Variants in B4GALT5 observed in about 807,000 individuals in gnomAD.
B4GALT5 encodes beta-1,4-galactosyltransferase 5, also known as UDP-Gal:beta-GlcNAc beta-1,4-galactosyltransferase 5.
Under a neutral mutation model 45.0 loss-of-function variants are expected in B4GALT5, and 11 were observed. The observed-to-expected ratio is 0.24, with a 90% confidence interval of 0.15 to 0.40. The LOEUF (loss-of-function observed/expected upper bound fraction) is 0.40. Among genes scored for constraint, B4GALT5 ranks in the 10% least tolerant of loss-of-function variants. B4GALT5 has a pLI of 1.00. For missense variants in B4GALT5, 337 were observed against 500.2 expected, an observed-to-expected ratio of 0.67 and a Z score of 3.11; for synonymous variants, 185 against 182.9, an observed-to-expected ratio of 1.01 and a Z score of -0.09.
At chr20:49,648,020 C>T (rs2085606325) in intron 2 of B4GALT5, among the ~76,000 whole-genome samples, 1 of 152,114 alleles carries the variant, frequency 6.6e-6, no homozygotes, top group East Asian at 1.9e-4. Flanking sequence ...TTTACTCAAC[C>T]TTCCTTTAAT....
At chr20:49,707,163 G>C (rs1175736117) in intron 1 of B4GALT5, among the ~76,000 whole-genome samples, 1 of 152,078 alleles carries the variant, frequency 6.6e-6, no homozygotes, top group Non-Finnish European at 1.5e-5. Flanking sequence ...TTCTACTAAA[G>C]AAAATTTCAA....
In B4GALT5 at chr20:49,635,685, T is replaced by C. The variant is rs1469026888; in HGVS notation, c.*627A>G. On this transcript the variant is annotated 3_prime_UTR_variant, in exon 9 of 9. Transcript: ENST00000371711. ...TTAAATTTTAAAAAGGCATTTTACA[T>C]GGCTTATTTACAATTATACTTCTTC... 1 of 152,614 alleles carries C rather than the reference T, an allele frequency of 6.6e-6. No individual in the cohort carries two copies. Among genetic ancestry groups the C allele is most frequent in the African/African-American group, 2.4e-5 (1 of 41,452 alleles). The allele number at this position is 152,614 out of a possible 1,614,324, so 9.5% of individuals were successfully genotyped here. A position where few individuals can be genotyped will look rare whatever the true frequency, so the allele number is the denominator to read the frequency against.
intron 1 of B4GALT5, among the ~76,000 whole-genome samples, chr20:49,689,805 T>C (rs924516936): frequency 2.6e-5 from 4 of 152,164 alleles, no homozygotes; most frequent in South Asian, 2.1e-4. Flanking sequence ...ATATGAAACA[T>C]TACAATCACT....
intron 1 of B4GALT5, among the ~76,000 whole-genome samples, chr20:49,683,385 A>ATTTTTTTTTTTTTTTTTTTTTTTTT (rs66503719): frequency 1.0e-5 from 1 of 96,630 alleles, no homozygotes. Context: ...ACAGGTTTAA[A>ATTTTTTTTTTTTTTTTTTTTTTTTT]TTTTTTTTTT....
chr20:49,694,095 A>G (rs1178657835), intron 1 of B4GALT5, among the ~76,000 whole-genome samples: 1 of 152,218 alleles, frequency 6.6e-6, no homozygotes, highest in Non-Finnish European at 1.5e-5. Context: ...TTCCTTGAAA[A>G]GCAGACAGCT....
chr20:49,657,655 T>TG (rs1345450421), intron 1 of B4GALT5, among the ~76,000 whole-genome samples: 3 of 152,192 alleles, frequency 2.0e-5, no homozygotes, highest in Non-Finnish European at 4.4e-5. Context: ...TGTGGGTGTC[T>TG]GGGGGTGGAT....
chr20:49,704,636 G>A (rs978593189), intron 1 of B4GALT5, among the ~76,000 whole-genome samples: 34 of 150,198 alleles, frequency 2.3e-4, no homozygotes, highest in African/African-American at 7.3e-4. Context: ...GGAGAATGGC[G>A]TGAACCCGGG....
intron 1 of B4GALT5, among the ~76,000 whole-genome samples, chr20:49,712,835 G>A (rs1242132581): frequency 8.8e-6 from 1 of 113,464 alleles, no homozygotes; most frequent in Non-Finnish European, 1.9e-5. Flanking sequence ...GGGTACGCGA[G>A]GTGGGGGGGG....
At position 49,642,389 on chromosome 20, in the gene B4GALT5, C is replaced by A. The variant is rs560032939; in HGVS notation, c.606+79G>T. 5 of 1,086,800 alleles carry A rather than the reference C, an allele frequency of 4.6e-6. No individual in the cohort carries two copies. The Admixed American group carries it at 6.4e-5, about 14-fold the overall frequency. The allele number at this position is 1,086,800 out of a possible 1,614,324, so 67.3% of individuals were successfully genotyped here. A position where few individuals can be genotyped will look rare whatever the true frequency, so the allele number is the denominator to read the frequency against. On this transcript the variant is annotated intron_variant, in intron 5 of 8. Coordinates refer to ENST00000371711, the MANE Select transcript of B4GALT5 (RefSeq NM_004776.4). ...ATTTCAGTTTTATTGGCTCTTCACA[C>A]CAACAGTGGATTAGCTTGCAGCAAC...
At chr20:49,694,067 C>T (rs1682918798) in intron 1 of B4GALT5, among the ~76,000 whole-genome samples, 1 of 152,182 alleles carries the variant, frequency 6.6e-6, no homozygotes, top group African/African-American at 2.4e-5. Context: ...ACTAAGCTAG[C>T]AGAAGTCTAA....
intron 1 of B4GALT5, among the ~76,000 whole-genome samples, chr20:49,691,610 C>T (rs1374112386): frequency 6.6e-6 from 1 of 151,512 alleles, no homozygotes; most frequent in Admixed American, 6.6e-5. Flanking sequence ...CTGACAGTCA[C>T]TTTGCCTCTA....
chr20:49,667,706 T>A (rs1009204815), intron 1 of B4GALT5, among the ~76,000 whole-genome samples: 3 of 152,160 alleles, frequency 2.0e-5, no homozygotes, highest in Non-Finnish European at 4.4e-5. Flanking sequence ...CCACCCCGCA[T>A]GGCCAATATT....
In B4GALT5 at chr20:49,639,797, A is replaced by T. The variant is rs749862561; in HGVS notation, c.798T>A (p.Leu266=). 7 of 1,612,894 alleles carry T rather than the reference A, an allele frequency of 4.3e-6. No individual in the cohort carries two copies. The highest frequency in any genetic ancestry group is 5.9e-6 in the Non-Finnish European group (7 of 1,179,122). ...CTCCGCCAAAGAACTCGGTATAAGG[A>T]AGCCTAGGAGGAGATGTGGGACATC... The part of the protein sequence containing the change: ...ATKLDKYMYL[L]PYTEFFGGVS... The change falls in exon 7 of 9, where the codon CTT becomes CTA. Residue 266 remains leucine, a synonymous_variant. Transcript: ENST00000371711.
At chr20:49,656,835 G>A (rs2085645462) in intron 1 of B4GALT5, 133 bp from the exon 2 acceptor site, 1 of 1,136,096 alleles carries the variant, frequency 8.8e-7, no homozygotes, top group South Asian at 1.6e-5. Flanking sequence ...AACCCTACAT[G>A]ACCATAACTC....
At chr20:49,684,393 T>C (rs2085776882) in intron 1 of B4GALT5, among the ~76,000 whole-genome samples, 1 of 152,116 alleles carries the variant, frequency 6.6e-6, no homozygotes, top group Admixed American at 6.5e-5. Flanking sequence ...AAACCCGGTC[T>C]CTACTAAAGA....
At chr20:49,684,237 C>T (rs1645322592) in intron 1 of B4GALT5, among the ~76,000 whole-genome samples, 1 of 151,714 alleles carries the variant, frequency 6.6e-6, no homozygotes, top group African/African-American at 2.4e-5. Flanking sequence ...ATGGTGAGCG[C>T]TAATGTGTTC....
At chr20:49,663,019 T>C (rs927242562) in intron 1 of B4GALT5, among the ~76,000 whole-genome samples, 9 of 152,242 alleles carry the variant, frequency 5.9e-5, no homozygotes, top group Non-Finnish European at 1.0e-4. Context: ...TGGAATACTA[T>C]ACAGCAACAG....
At chr20:49,693,773 G>A (rs1255173486) in intron 1 of B4GALT5, among the ~76,000 whole-genome samples, 1 of 152,224 alleles carries the variant, frequency 6.6e-6, no homozygotes, top group African/African-American at 2.4e-5. Flanking sequence ...AGAGAACAGT[G>A]CAAATGAGGT....
At chr20:49,637,253 TAGG>T (rs1417085812) in intron 8 of B4GALT5, 85 bp downstream of exon 8, 5 of 1,162,918 alleles carry the variant, frequency 4.3e-6, no homozygotes, top group East Asian at 4.7e-5. Flanking sequence ...GGGTGGGGAG[TAGG>T]AGAAGGGGCT....
Sources: gnomAD v4.1 joint callset for allele counts (sites outside exome capture counted in the v4.1 genomes callset) on GRCh38, gnomAD v4.1.1 for gene constraint, MANE v1.5 for transcripts, NCBI Gene and HGNC (gene_info 2026-07-23, HGNC 2026-07-21) for gene names.